ASCC1: variants seen among roughly 807,000 people sequenced by gnomAD.
ASCC1 encodes ASC-1 complex subunit P50.
Under a neutral mutation model 46.6 loss-of-function variants are expected in ASCC1, and 35 were observed. That is an observed-to-expected ratio of 0.75 (90% CI 0.57 to 0.99). The LOEUF (loss-of-function observed/expected upper bound fraction) is 0.99, where lower values mean the gene tolerates loss of function less well. Ranked by LOEUF, ASCC1 falls within the 50% of genes least tolerant of loss-of-function variation. ASCC1 has a pLI of 0.00. For missense variants in ASCC1, 376 were observed against 428.7 expected (o/e 0.88, Z 1.09); for synonymous variants, 143 against 146.6 (o/e 0.98, Z 0.18).
intron 7 of ASCC1, among the ~76,000 whole-genome samples, chr10:72,141,343 C>T (rs1038436087): frequency 1.3e-5 from 2 of 152,156 alleles, no homozygotes; most frequent in South Asian, 4.1e-4. Flanking sequence ...AGTCAACCCA[C>T]AGTATTCTCT....
chr10:72,127,488 T>A (rs1845002416), intron 9 of ASCC1, among the ~76,000 whole-genome samples: 2 of 152,162 alleles, frequency 1.3e-5, no homozygotes. Context: ...AAATGGCTTA[T>A]AAAGCCACTG....
intron 2 of ASCC1, among the ~76,000 whole-genome samples, chr10:72,211,748 G>A (rs1352156148): frequency 8.6e-5 from 13 of 150,498 alleles, no homozygotes; most frequent in East Asian, 4.0e-4. Context: ...GCGTGAATCC[G>A]GGAGGCAGAG....
chr10:72,142,101 T>C (rs1041271570), intron 7 of ASCC1, among the ~76,000 whole-genome samples: 14 of 152,346 alleles, frequency 9.2e-5, no homozygotes, highest in African/African-American at 3.1e-4. Context: ...AATATGATTG[T>C]TGATTTAAAA....
intron 5 of ASCC1, among the ~76,000 whole-genome samples, chr10:72,193,936 G>A (rs900100354): frequency 1.3e-5 from 2 of 150,368 alleles, no homozygotes; most frequent in Admixed American, 6.7e-5. Flanking sequence ...CCGGATTCAC[G>A]TCACTCTCCT....
intron 7 of ASCC1, among the ~76,000 whole-genome samples, chr10:72,149,416 C>T (rs928595756): frequency 4.4e-5 from 5 of 114,474 alleles, no homozygotes; most frequent in South Asian, 5.7e-4. Context: ...CCCGCCTGGG[C>T]GACAGAGCGA....
intron 5 of ASCC1, among the ~76,000 whole-genome samples, chr10:72,189,169 G>C (rs1333646997): frequency 6.6e-6 from 1 of 151,962 alleles, no homozygotes; most frequent in Non-Finnish European, 1.5e-5. Context: ...GGGAGGCCGA[G>C]GCGGGCGGAT....
At chr10:72,134,734 C>A (rs1845993262) in intron 7 of ASCC1, among the ~76,000 whole-genome samples, 1 of 152,184 alleles carries the variant, frequency 6.6e-6, no homozygotes. Flanking sequence ...ACTGTCCCAG[C>A]CACCTGGGAA....
intron 9 of ASCC1, among the ~76,000 whole-genome samples, chr10:72,108,244 T>C (rs1379782175): frequency 2.0e-5 from 3 of 151,828 alleles, no homozygotes; most frequent in African/African-American, 4.8e-5. Context: ...GCCTGGCTAA[T>C]TTTTGCATTT....
In ASCC1 at chr10:72,128,178, T is replaced by C; in HGVS notation, c.872-11A>G. The C allele has an allele frequency of 1.9e-6, 3 of 1,606,054 alleles. No homozygotes were observed. The highest frequency in any genetic ancestry group is 2.6e-6 in the Non-Finnish European group (3 of 1,172,828). Reference sequence around the variant, plus strand: ...TGTACCTGCCTTCAGCTGTAAATATTCCAAAGATAATGTTAGAAGCTTAGA... The same window carrying C: ...TGTACCTGCCTTCAGCTGTAAATATCCCAAAGATAATGTTAGAAGCTTAGA... On this transcript the variant is annotated splice_polypyrimidine_tract_variant and intron_variant, in intron 8 of 9. Transcript: ENST00000672957.
intron 8 of ASCC1, among the ~76,000 whole-genome samples, chr10:72,131,972 G>A (rs182311587): frequency 1.0e-3 from 152 of 150,318 alleles, no homozygotes; most frequent in African/African-American, 3.5e-3. Context: ...AGGTTCAAGC[G>A]ATTGTCTTGC....
At chr10:72,172,678 C>T (rs1851271954) in intron 5 of ASCC1, among the ~76,000 whole-genome samples, 1 of 138,178 alleles carries the variant, frequency 7.2e-6, no homozygotes, top group African/African-American at 2.7e-5. Flanking sequence ...TAAAATTACA[C>T]TAGTTCCTCT....
rs748900873 is a variant in ASCC1 at position 72,210,948 on chromosome 10, A to C, written c.113-117T>G. The C allele has an allele frequency of 3.5e-5, 29 of 822,698 alleles. No individual in the cohort carries two copies. In the East Asian group the frequency reaches 6.9e-4, roughly 20 times the overall value. The allele number at this position is 822,698 out of a possible 1,614,324, so 51.0% of individuals were successfully genotyped here. On this transcript the variant is annotated intron_variant, in intron 2 of 9. Coordinates refer to ENST00000672957, the MANE Select transcript of ASCC1 (RefSeq NM_001198800.3). The stretch of plus-strand genomic sequence containing the variant: ...AAAAAGCAATACACAGGCATAAAGA[A>C]CAGCCGGACACTGTACATTCCATGA...
At chr10:72,107,950 T>C (rs768152329) in intron 9 of ASCC1, among the ~76,000 whole-genome samples, 8 of 152,200 alleles carry the variant, frequency 5.3e-5, no homozygotes, top group Non-Finnish European at 7.4e-5. Context: ...AGAAGATCCC[T>C]TCCCTTTTAA....
chr10:72,174,470 AACACAGGT>A (rs1760223032), intron 5 of ASCC1, among the ~76,000 whole-genome samples: 1 of 152,144 alleles, frequency 6.6e-6, no homozygotes, highest in Admixed American at 6.6e-5. Context: ...GATGGGATAC[AACACAGGT>A]GCAACTGCCA....
chr10:72,213,599 C>T (rs1858515998), intron 1 of ASCC1, among the ~76,000 whole-genome samples: 1 of 142,726 alleles, frequency 7.0e-6, no homozygotes, highest in Non-Finnish European at 1.5e-5. Flanking sequence ...GGCATACACT[C>T]TTAAAAAAAA....
At chr10:72,125,146 T>C (rs562680468) in intron 9 of ASCC1, among the ~76,000 whole-genome samples, 1 of 152,220 alleles carries the variant, frequency 6.6e-6, no homozygotes, top group Admixed American at 6.5e-5. Flanking sequence ...ATTTTCTTCA[T>C]GGAGTAGAAT....
At chr10:72,149,874 A>G (rs1848120830) in intron 7 of ASCC1, among the ~76,000 whole-genome samples, 1 of 152,142 alleles carries the variant, frequency 6.6e-6, no homozygotes, top group African/African-American at 2.4e-5. Flanking sequence ...TTAGGCACAC[A>G]CCAGATATTG....
At chr10:72,160,859 G>A (rs988801178) in intron 6 of ASCC1, among the ~76,000 whole-genome samples, 4 of 150,906 alleles carry the variant, frequency 2.7e-5, no homozygotes, top group African/African-American at 7.3e-5. Flanking sequence ...CAAGGCGGGC[G>A]GATCACAAGG....
intron 5 of ASCC1, among the ~76,000 whole-genome samples, chr10:72,193,176 C>A (rs1854808026): frequency 6.6e-6 from 1 of 152,148 alleles, no homozygotes; most frequent in African/African-American, 2.4e-5. Flanking sequence ...CGCACAAAAA[C>A]CCATACACAA....
Sources: gnomAD v4.1 joint callset for allele counts (sites outside exome capture counted in the v4.1 genomes callset) on GRCh38, gnomAD v4.1.1 for gene constraint, MANE v1.5 for transcripts, NCBI Gene and HGNC (gene_info 2026-07-23, HGNC 2026-07-21) for gene names.